VPS35L: variants seen among roughly 807,000 people sequenced by gnomAD.
VPS35L encodes VPS35 endosomal protein sorting factor like, also known as VPS35 endosomal protein-sorting factor-like.
A neutral mutation model predicts 133.0 loss-of-function variants in VPS35L; 83 were observed. That is an observed-to-expected ratio of 0.62 (90% CI 0.52 to 0.75). The LOEUF (loss-of-function observed/expected upper bound fraction) is 0.75, where lower values mean the gene tolerates loss of function less well. Among genes scored for constraint, VPS35L ranks in the 30% least tolerant of loss-of-function variants. The pLI, the probability that VPS35L is intolerant of heterozygous loss-of-function variation, is 0.00. For missense variants in VPS35L, 1,083 were observed against 1,206.8 expected (o/e 0.90, Z 1.52); for synonymous variants, 423 against 449.9 (o/e 0.94, Z 0.76).
chr16:19,575,927 G>T (rs113975387), intron 5 of VPS35L, among the ~76,000 whole-genome samples: 1 of 141,968 alleles, frequency 7.0e-6, no homozygotes, highest in South Asian at 2.3e-4. Context: ...AGGCCAAGGC[G>T]GGCAGATCAC....
intron 26 of VPS35L, among the ~76,000 whole-genome samples, chr16:19,667,183 C>T (rs1027810233): frequency 4.0e-5 from 6 of 151,854 alleles, no homozygotes; most frequent in Admixed American, 6.6e-5. Flanking sequence ...AGGCTGGTCT[C>T]AAACTCCTGA....
chr16:19,604,852 A>G (rs536860340), intron 9 of VPS35L, among the ~76,000 whole-genome samples: 1 of 152,372 alleles, frequency 6.6e-6, no homozygotes, highest in African/African-American at 2.4e-5. Context: ...TTTTGGGTTC[A>G]TGAAAATCAC....
chr16:19,611,285 C>A (rs1447825350), intron 12 of VPS35L, among the ~76,000 whole-genome samples: 1 of 152,210 alleles, frequency 6.6e-6, no homozygotes, highest in Non-Finnish European at 1.5e-5. Flanking sequence ...CAGGCGTGAG[C>A]CACTGCGCCC....
At chr16:19,635,419 C>A (rs7187941) in intron 19 of VPS35L, among the ~76,000 whole-genome samples, 71,800 of 152,008 alleles carry the variant, frequency 0.47, 18,900 homozygotes, top group African/African-American at 0.71. Flanking sequence ...TATCATTGCC[C>A]TAAATGACAA....
intron 9 of VPS35L, among the ~76,000 whole-genome samples, chr16:19,604,167 G>A (rs1300128733): frequency 6.9e-6 from 1 of 145,254 alleles, no homozygotes; most frequent in Admixed American, 6.9e-5. Context: ...AAAAAAAAAT[G>A]ACTTTTGATA....
intron 26 of VPS35L, among the ~76,000 whole-genome samples, chr16:19,658,686 G>GT (rs1567463082): frequency 6.6e-5 from 9 of 136,342 alleles, no homozygotes; most frequent in Admixed American, 1.4e-4. Flanking sequence ...ACTTGAAAGA[G>GT]GAAAAAAAAA....
At chr16:19,695,007 GAA>G (rs556649295) in intron 29 of VPS35L, among the ~76,000 whole-genome samples, 6 of 130,340 alleles carry the variant, frequency 4.6e-5, no homozygotes, top group Admixed American at 2.4e-4. Flanking sequence ...CTCTGTTTCA[GAA>G]AAAAAAAAAA....
chr16:19,637,678 T>A (rs1258929310), intron 20 of VPS35L, 22 bp downstream of exon 20: 2 of 1,525,256 alleles, frequency 1.3e-6, no homozygotes, highest in Admixed American at 1.8e-5. Context: ...TTCTTAATTA[T>A]CTTTGGAAAT....
intron 3 of VPS35L, among the ~76,000 whole-genome samples, chr16:19,570,860 T>C (rs1971347132): frequency 1.4e-5 from 1 of 71,716 alleles, no homozygotes; most frequent in Non-Finnish European, 2.4e-5. Flanking sequence ...TATATATATA[T>C]ATATATATAT....
intron 7 of VPS35L, among the ~76,000 whole-genome samples, chr16:19,583,560 T>C (rs1266697625): frequency 6.6e-6 from 1 of 151,850 alleles, no homozygotes; most frequent in Non-Finnish European, 1.5e-5. Context: ...TCTAGCTATT[T>C]AAAAATACAC....
At chr16:19,691,062 G>A (rs1975659273) in intron 28 of VPS35L, among the ~76,000 whole-genome samples, 1 of 152,202 alleles carries the variant, frequency 6.6e-6, no homozygotes, top group Non-Finnish European at 1.5e-5. Context: ...GTGCCTGGCA[G>A]CTGCTGTGAT....
rs1976031438 is a variant in VPS35L at position 19,699,463 on chromosome 16, G to A, written c.2647-39G>A. 4 of 1,612,320 alleles carry A rather than the reference G, an allele frequency of 2.5e-6. No homozygotes were observed. The highest frequency in any genetic ancestry group is 3.4e-6 in the Non-Finnish European group (4 of 1,178,938). On this transcript the variant is annotated intron_variant, in intron 29 of 30. Coordinates refer to ENST00000417362, the MANE Select transcript of VPS35L (RefSeq NM_020314.7). The surrounding 1 kb of genome is among the most constrained non-coding windows in gnomAD (Gnocchi z 4.2). The stretch of plus-strand genomic sequence containing the variant: ...AGCATCTCTGCGGGGCACGGCCTGA[G>A]CCCCAGTGCAAGGCAGTAACCTCCC...
At chr16:19,578,464 G>A (rs570296176) in intron 5 of VPS35L, 6 of 373,200 alleles carry the variant, frequency 1.6e-5, no homozygotes, top group African/African-American at 6.4e-5. Flanking sequence ...TCAGCTAGAT[G>A]CATCGCCCTG....
intron 27 of VPS35L, among the ~76,000 whole-genome samples, chr16:19,674,464 G>A (rs1254840061): frequency 6.6e-6 from 1 of 151,226 alleles, no homozygotes; most frequent in African/African-American, 2.5e-5. Context: ...CCAAAGTGCT[G>A]GGATTTGTGC....
At chr16:19,574,221 G>A (rs938968137) in intron 4 of VPS35L, among the ~76,000 whole-genome samples, 1 of 152,180 alleles carries the variant, frequency 6.6e-6, no homozygotes, top group African/African-American at 2.4e-5. Flanking sequence ...AGCTCCGAGG[G>A]CATCAGGGTT....
chr16:19,582,440 C>T (rs1971739819), intron 7 of VPS35L, among the ~76,000 whole-genome samples: 1 of 152,050 alleles, frequency 6.6e-6, no homozygotes, highest in Non-Finnish European at 1.5e-5. Context: ...CAGGAGAGTC[C>T]GGGAGTCTTC....
At chr16:19,582,496 G>A (rs1971741402) in intron 7 of VPS35L, among the ~76,000 whole-genome samples, 1 of 152,090 alleles carries the variant, frequency 6.6e-6, no homozygotes, top group Admixed American at 6.6e-5. Context: ...TGTATAGTAC[G>A]GGTGATTTCT....
intron 27 of VPS35L, among the ~76,000 whole-genome samples, chr16:19,669,577 G>C (rs1044162366): frequency 5.9e-5 from 9 of 152,128 alleles, no homozygotes; most frequent in Non-Finnish European, 1.2e-4. Flanking sequence ...AGTTCTTAAA[G>C]CTGGAAGTCT....
intron 28 of VPS35L, among the ~76,000 whole-genome samples, chr16:19,684,734 C>T (rs1361071754): frequency 2.0e-5 from 3 of 152,160 alleles, no homozygotes; most frequent in Non-Finnish European, 4.4e-5. Flanking sequence ...AGTGGTGGGA[C>T]GTGCATTACA....
Sources: allele counts gnomAD v4.1 joint callset (sites outside exome capture counted in the v4.1 genomes callset), GRCh38; gene constraint gnomAD v4.1.1; non-coding constraint Gnocchi (gnomAD v3.1); transcripts MANE v1.5; gene names NCBI Gene and HGNC (gene_info 2026-07-23, HGNC 2026-07-21).